The following MECOM variants were observed in gnomAD, a reference collection of about 807,000 sequenced individuals.
MECOM encodes the protein MDS1 and EVI1 complex locus.
Under a neutral mutation model 116.3 loss-of-function variants are expected in MECOM, and 13 were observed. The ratio of observed to expected loss-of-function variants is 0.11; its 90% CI spans 0.07 to 0.18. The LOEUF (loss-of-function observed/expected upper bound fraction) is 0.18. Ranked by LOEUF, MECOM falls within the 10% of genes least tolerant of loss-of-function variation. The pLI is 1.00. For missense variants in MECOM, 1,299 were observed against 1,509.0 expected, an observed-to-expected ratio of 0.86 and a Z score of 2.31; for synonymous variants, 528 against 535.2, an observed-to-expected ratio of 0.99 and a Z score of 0.19.
intron 7 of MECOM, 25 bp from the exon 8 acceptor site, chr3:169,116,764 T>A (rs1265915450): frequency 6.5e-7 from 1 of 1,548,772 alleles, no homozygotes; most frequent in Non-Finnish European, 8.7e-7. Context: ...CAAAAAAGAA[T>A]CTCAGGCTTT....
chr3:169,284,227 C>T (rs1275670335), intron 2 of MECOM, among the ~76,000 whole-genome samples: 2 of 152,128 alleles, frequency 1.3e-5, no homozygotes, highest in African/African-American at 2.4e-5. Context: ...ACTGCATTTA[C>T]GATACCGCCT....
intron 2 of MECOM, among the ~76,000 whole-genome samples, chr3:169,345,203 T>C (rs1034255952): frequency 6.6e-6 from 1 of 152,146 alleles, no homozygotes; most frequent in African/African-American, 2.4e-5. Context: ...ATCCAAATTA[T>C]ATCAACTTGA....
chr3:169,414,199 G>A (rs1482749378), intron 1 of MECOM, among the ~76,000 whole-genome samples: 4 of 152,234 alleles, frequency 2.6e-5, no homozygotes, highest in African/African-American at 7.2e-5. Context: ...GGAGCAGGCA[G>A]CAATCTTTGC....
chr3:169,278,796 C>T (rs1476092197), intron 2 of MECOM, among the ~76,000 whole-genome samples: 1 of 152,222 alleles, frequency 6.6e-6, no homozygotes, highest in Middle Eastern at 3.2e-3. Flanking sequence ...CAAGCTCCTT[C>T]TGGTCGGTCC....
chr3:169,455,845 T>C (rs759650746), intron 1 of MECOM, among the ~76,000 whole-genome samples: 11 of 152,300 alleles, frequency 7.2e-5, no homozygotes, highest in African/African-American at 2.4e-4. Flanking sequence ...GGTTTGTCCA[T>C]CATGAATGTT....
chr3:169,606,445 A>C (rs1054950115), intron 1 of MECOM, among the ~76,000 whole-genome samples: 3 of 151,974 alleles, frequency 2.0e-5, no homozygotes, highest in Admixed American at 6.6e-5. Flanking sequence ...GAAAGAAATT[A>C]AATGATACCC....
At position 169,183,338 on chromosome 3, in the gene MECOM, A is replaced by G. The variant is rs535317123; in HGVS notation, c.376-39506T>C. ...CTTCCACCTTTCTCCTGTGAGACATAGTCTCTCATCCCATTAATTCAGCAA... is the reference window on the plus strand; with the variant it reads ...CTTCCACCTTTCTCCTGTGAGACATGGTCTCTCATCCCATTAATTCAGCAA... On this transcript the variant is annotated intron_variant, in intron 2 of 16. Coordinates refer to ENST00000651503, the MANE Select transcript of MECOM (RefSeq NM_004991.4). Among the ~76,000 whole-genome samples the G allele has an allele frequency of 2.6e-5, 4 of 152,288 alleles. No individual in the cohort carries two copies. The South Asian group carries it at 8.3e-4, about 32-fold the overall frequency.
At chr3:169,121,272 C>A in intron 6 of MECOM, 63 bp from the exon 7 acceptor site, 1 of 1,469,424 alleles carries the variant, frequency 6.8e-7, no homozygotes, top group East Asian at 2.4e-5. Flanking sequence ...AAAGAAGACC[C>A]GGGATGACTC....
At chr3:169,362,187 T>C (rs1019321000) in intron 2 of MECOM, among the ~76,000 whole-genome samples, 7 of 151,934 alleles carry the variant, frequency 4.6e-5, no homozygotes, top group Non-Finnish European at 1.0e-4. Flanking sequence ...AGTAATTATT[T>C]TGGAGGTTTT....
At chr3:169,392,760 T>C (rs11924389) in intron 1 of MECOM, among the ~76,000 whole-genome samples, 8,930 of 152,270 alleles carry the variant, frequency 0.059, 588 homozygotes, top group African/African-American at 0.16. Context: ...TCCTTAAGTT[T>C]GCTAGAACTA....
chr3:169,343,503 G>A (rs1340553101), intron 2 of MECOM, among the ~76,000 whole-genome samples: 2 of 151,954 alleles, frequency 1.3e-5, no homozygotes, highest in Admixed American at 6.6e-5. Flanking sequence ...CTCCTGACTC[G>A]CCAGAATCAA....
intron 1 of MECOM, among the ~76,000 whole-genome samples, chr3:169,600,477 C>A (rs985386407): frequency 2.6e-5 from 4 of 152,084 alleles, no homozygotes; most frequent in African/African-American, 9.7e-5. Context: ...GCACACGTAT[C>A]CCTAAAATGT....
chr3:169,288,610 G>T (rs763330074), intron 2 of MECOM, among the ~76,000 whole-genome samples: 1 of 152,190 alleles, frequency 6.6e-6, no homozygotes, highest in Non-Finnish European at 1.5e-5. Context: ...TCACATTCAC[G>T]CTTATTGGGG....
intron 3 of MECOM, among the ~76,000 whole-genome samples, chr3:169,136,897 G>C (rs1277635203): frequency 6.6e-6 from 1 of 152,074 alleles, no homozygotes; most frequent in Non-Finnish European, 1.5e-5. Flanking sequence ...ATGCTTAATA[G>C]ACTGCATTTG....
intron 1 of MECOM, among the ~76,000 whole-genome samples, chr3:169,595,940 T>TA (rs34989557): frequency 0.57 from 87,025 of 151,970 alleles, 25,509 homozygotes; most frequent in South Asian, 0.67. Context: ...TTCATTCATA[T>TA]AGTCAATTTC....
At chr3:169,451,903 C>T (rs1745668306) in intron 1 of MECOM, among the ~76,000 whole-genome samples, 1 of 151,830 alleles carries the variant, frequency 6.6e-6, no homozygotes, top group Non-Finnish European at 1.5e-5. Flanking sequence ...CATAAAGCCC[C>T]ACTGCTAACT....
intron 2 of MECOM, among the ~76,000 whole-genome samples, chr3:169,203,821 GA>G (rs1490006640): frequency 2.0e-5 from 3 of 152,060 alleles, no homozygotes; most frequent in East Asian, 1.9e-4. Context: ...TTGTCAAATG[GA>G]AAGACTGAAA....
At chr3:169,482,616 G>A (rs926475457) in intron 1 of MECOM, among the ~76,000 whole-genome samples, 6 of 151,998 alleles carry the variant, frequency 3.9e-5, no homozygotes, top group East Asian at 1.9e-4. Flanking sequence ...TTACGGGCGT[G>A]AGCCACCGCG....
chr3:169,555,194 T>C (rs1440027917), intron 1 of MECOM, among the ~76,000 whole-genome samples: 1 of 152,246 alleles, frequency 6.6e-6, no homozygotes, highest in South Asian at 2.1e-4. Flanking sequence ...TATTTGTTCC[T>C]TCCTTCCTTC....
Sources: allele counts gnomAD v4.1 joint callset (sites outside exome capture counted in the v4.1 genomes callset), GRCh38; gene constraint gnomAD v4.1.1; transcripts MANE v1.5; gene names NCBI Gene and HGNC (gene_info 2026-07-23, HGNC 2026-07-21).